CSMD1: variants seen among roughly 807,000 people sequenced by gnomAD.
CSMD1 encodes CUB and Sushi multiple domains 1, also known as CUB and sushi domain-containing protein 1.
Under a neutral mutation model 417.5 loss-of-function variants are expected in CSMD1, and 213 were observed. The observed-to-expected ratio is 0.51, with a 90% CI of 0.46 to 0.57. The LOEUF (loss-of-function observed/expected upper bound fraction) is 0.57. Ranked by LOEUF, CSMD1 falls within the 20% of genes least tolerant of loss-of-function variation. CSMD1 has a pLI of 0.00. For synonymous variants in CSMD1, 2,862 were observed against 1,736.8 expected (o/e 1.65, Z -16.11); for missense variants, 6,923 against 4,529.7 (o/e 1.53, Z -15.17).
At chr8:4,885,148 A>G (rs777204281) in intron 1 of CSMD1, among the ~76,000 whole-genome samples, 5 of 152,090 alleles carry the variant, frequency 3.3e-5, no homozygotes, top group African/African-American at 1.2e-4. Context: ...TTTCAAGTAT[A>G]TAGAATTACA....
chr8:3,500,003 G>C (rs751173011), intron 10 of CSMD1, among the ~76,000 whole-genome samples: 4 of 152,028 alleles, frequency 2.6e-5, no homozygotes, highest in Non-Finnish European at 4.4e-5. Context: ...AGGCCTGTGG[G>C]GGCTTTTCTG....
intron 3 of CSMD1, among the ~76,000 whole-genome samples, chr8:4,336,927 G>C (rs1040887456): frequency 6.6e-6 from 1 of 152,056 alleles, no homozygotes. Flanking sequence ...TAACAATACA[G>C]AAATTCTGTA....
chr8:3,873,391 A>G (rs1805611596), intron 5 of CSMD1, among the ~76,000 whole-genome samples: 2 of 152,192 alleles, frequency 1.3e-5, no homozygotes, highest in South Asian at 2.1e-4. Context: ...AAATGAGATC[A>G]TGTCCTTGGC....
At chr8:3,723,274 C>T (rs941858990) in intron 6 of CSMD1, among the ~76,000 whole-genome samples, 1 of 152,140 alleles carries the variant, frequency 6.6e-6, no homozygotes, top group Non-Finnish European at 1.5e-5. Context: ...CAATTCGAAT[C>T]CTCCTCACAC....
intron 3 of CSMD1, among the ~76,000 whole-genome samples, chr8:4,084,598 G>A (rs534868255): frequency 1.3e-5 from 2 of 152,242 alleles, no homozygotes; most frequent in African/African-American, 4.8e-5. Context: ...TTGGGAGAGA[G>A]AAAATGAAAG....
chr8:4,598,908 G>A (rs948546530), intron 2 of CSMD1, among the ~76,000 whole-genome samples: 2 of 151,478 alleles, frequency 1.3e-5, no homozygotes, highest in Admixed American at 6.6e-5. Flanking sequence ...TAGAGTCAGT[G>A]AAGATCTTCA....
At chr8:3,819,054 T>C (rs1010798727) in intron 5 of CSMD1, among the ~76,000 whole-genome samples, 4 of 152,130 alleles carry the variant, frequency 2.6e-5, no homozygotes, top group Non-Finnish European at 4.4e-5. Flanking sequence ...TTCCTGTTTG[T>C]AGGAAAATGG....
chr8:3,702,281 C>A (rs569661804), intron 7 of CSMD1: 7 of 152,282 alleles, frequency 4.6e-5, no homozygotes, highest in African/African-American at 1.7e-4. Flanking sequence ...TCTGAGTGAG[C>A]TACAACAAAT....
At chr8:4,512,908 G>C (rs552591506) in intron 2 of CSMD1, among the ~76,000 whole-genome samples, 11 of 151,808 alleles carry the variant, frequency 7.2e-5, no homozygotes, top group East Asian at 5.8e-4. Flanking sequence ...ATTTGAAAAA[G>C]CTACAGAGTA....
chr8:4,154,398 G>T (rs1247015289), intron 3 of CSMD1, among the ~76,000 whole-genome samples: 1 of 152,194 alleles, frequency 6.6e-6, no homozygotes, highest in Non-Finnish European at 1.5e-5. Context: ...TATTGTATAA[G>T]TATAGACAAA....
At chr8:3,413,784 A>G (rs1812959938) in intron 12 of CSMD1, among the ~76,000 whole-genome samples, 1 of 152,196 alleles carries the variant, frequency 6.6e-6, no homozygotes, top group East Asian at 1.9e-4. Flanking sequence ...ACAATGATAC[A>G]GTATGTGTGT....
At chr8:4,704,503 C>A (rs1233515587) in intron 1 of CSMD1, among the ~76,000 whole-genome samples, 1 of 152,156 alleles carries the variant, frequency 6.6e-6, no homozygotes, top group Non-Finnish European at 1.5e-5. Flanking sequence ...GTACTATTTT[C>A]TCCCTTCCTA....
intron 10 of CSMD1, among the ~76,000 whole-genome samples, chr8:3,572,258 G>A (rs960953144): frequency 6.6e-6 from 1 of 152,186 alleles, no homozygotes; most frequent in Non-Finnish European, 1.5e-5. Flanking sequence ...GAAGACTCCT[G>A]CAGGCTTTGC....
chr8:4,033,106 A>C (rs1797434679), intron 3 of CSMD1, among the ~76,000 whole-genome samples: 1 of 139,902 alleles, frequency 7.1e-6, no homozygotes, highest in Non-Finnish European at 1.5e-5. Context: ...CAATAACTTA[A>C]CTCTTGCAAT....
At chr8:4,959,635 C>G (rs1034714766) in intron 1 of CSMD1, among the ~76,000 whole-genome samples, 1 of 152,232 alleles carries the variant, frequency 6.6e-6, no homozygotes, top group Non-Finnish European at 1.5e-5. Context: ...TTGTTCCTTT[C>G]TATTCTAATC....
intron 2 of CSMD1, among the ~76,000 whole-genome samples, chr8:4,484,870 G>A (rs911925156): frequency 6.6e-6 from 1 of 151,580 alleles, no homozygotes; most frequent in Non-Finnish European, 1.5e-5. Context: ...CTACTCGGGA[G>A]GCTGAGGCGG....
At chr8:4,570,320 C>T (rs1798822425) in intron 2 of CSMD1, among the ~76,000 whole-genome samples, 1 of 152,052 alleles carries the variant, frequency 6.6e-6, no homozygotes, top group East Asian at 1.9e-4. Context: ...TCCGTCAATA[C>T]CTAGTTTATT....
At chr8:4,193,934 G>T (rs1322856081) in intron 3 of CSMD1, among the ~76,000 whole-genome samples, 1 of 151,782 alleles carries the variant, frequency 6.6e-6, no homozygotes, top group African/African-American at 2.4e-5. Flanking sequence ...GTTTAATGGT[G>T]GGAGGTGGGG....
chr8:3,661,294 C>T (rs1051389238), intron 7 of CSMD1, among the ~76,000 whole-genome samples: 13 of 152,122 alleles, frequency 8.5e-5, no homozygotes, highest in Admixed American at 7.2e-4. Flanking sequence ...CCCTGCTGAG[C>T]GTTCAAACTG....
Sources: allele counts gnomAD v4.1 joint callset (sites outside exome capture counted in the v4.1 genomes callset), GRCh38; gene constraint gnomAD v4.1.1; transcripts MANE v1.5; gene names NCBI Gene and HGNC (gene_info 2026-07-23, HGNC 2026-07-21).